THUMPD2: variants seen among roughly 807,000 people sequenced by gnomAD.
THUMPD2 encodes the protein THUMP domain 2 tRNA and snRNA guanosine methyltransferase.
THUMPD2 carries 56 observed loss-of-function variants against 49.4 expected under a neutral mutation model. The ratio of observed to expected loss-of-function variants is 1.13; its 90% CI spans 0.91 to 1.41. The LOEUF is 1.41. Ranked by LOEUF, THUMPD2 falls within the 40% of genes most tolerant of loss-of-function variation. The pLI is 0.00. For synonymous variants in THUMPD2, 237 were observed against 205.2 expected (o/e 1.15, Z -1.32); for missense variants, 709 against 594.5 (o/e 1.19, Z -2.00).
Position 39,768,418 on chromosome 2 carries a change from C to T in THUMPD2, c.750+6G>A. 6.2e-7 allele frequency: 1 copy of T among 1,603,392 alleles called. No homozygotes were observed. Among genetic ancestry groups the T allele is most frequent in the Non-Finnish European group, 8.5e-7 (1 of 1,172,204 alleles). ...AAGTATATAAAATAAAACAAATACT[C>T]ATTACCTCTAATTGTGGATTCCTCA... On this transcript the variant is annotated splice_donor_region_variant and intron_variant, in intron 4 of 9. Transcript: ENST00000505747.
chr2:39,743,046 T>C (rs1674111369), intron 9 of THUMPD2, among the ~76,000 whole-genome samples: 1 of 152,192 alleles, frequency 6.6e-6, no homozygotes, highest in Non-Finnish European at 1.5e-5. Flanking sequence ...CATGGGACAC[T>C]CAGCTCCCAA....
Position 39,769,804 on chromosome 2 carries a change from A to C in THUMPD2, c.578T>G (p.Ile193Arg). Residue 193 changes from isoleucine to arginine, a missense_variant, in exon 3 of 10, where the codon ATA (isoleucine) becomes AGA (arginine). By Grantham distance (97) the Ile-to-Arg change is moderately conservative. Transcript: ENST00000505747. The part of the protein sequence containing the change: ...KFQEEEFQND[I>R]EKAIDTHNQN... Reference sequence around the variant, plus strand: ...ATTATGAGTATCAATTGCTTTCTCTATGTCATTCTGAAATTCTTCTTCTTG... The same window carrying C: ...ATTATGAGTATCAATTGCTTTCTCTCTGTCATTCTGAAATTCTTCTTCTTG... 1 of 1,611,558 alleles carries C rather than the reference A, an allele frequency of 6.2e-7. No homozygotes were observed. The highest frequency in any genetic ancestry group is 8.5e-7 in the Non-Finnish European group (1 of 1,179,370).
At chr2:39,772,823 A>G (rs1329844026) in intron 1 of THUMPD2, among the ~76,000 whole-genome samples, 3 of 152,196 alleles carry the variant, frequency 2.0e-5, no homozygotes, top group African/African-American at 7.2e-5. Context: ...GCTACCATCC[A>G]TGGGTACTTG....
chr2:39,750,331 G>C (rs367819560), intron 8 of THUMPD2, among the ~76,000 whole-genome samples: 1 of 152,150 alleles, frequency 6.6e-6, no homozygotes, highest in African/African-American at 2.4e-5. Context: ...GTTTTGATTC[G>C]CATTTCTCTA....
At chr2:39,745,934 T>G (rs956608551) in intron 8 of THUMPD2, among the ~76,000 whole-genome samples, 1 of 151,868 alleles carries the variant, frequency 6.6e-6, no homozygotes, top group African/African-American at 2.4e-5. Context: ...ACAGCTTGCA[T>G]TTGGCTCTGC....
chr2:39,765,692 A>T (rs1483306067), intron 5 of THUMPD2, among the ~76,000 whole-genome samples: 4 of 152,128 alleles, frequency 2.6e-5, no homozygotes, highest in East Asian at 1.9e-4. Context: ...CAAAGAATTT[A>T]AAAAAACCAT....
intron 5 of THUMPD2, among the ~76,000 whole-genome samples, chr2:39,761,826 C>T (rs567924192): frequency 1.9e-4 from 29 of 152,266 alleles, no homozygotes; most frequent in African/African-American, 6.3e-4. Context: ...TGAAGGGATG[C>T]TAACCCTTAA....
At chr2:39,756,078 GTGGCTGAAGGGACAGA>G in intron 6 of THUMPD2, 118 bp from the exon 7 acceptor site, 1 of 903,158 alleles carries the variant, frequency 1.1e-6, no homozygotes, top group South Asian at 1.5e-5. Context: ...TAAAGGGGTG[GTGGCTGAAGGGACAGA>G]TGGGTTCAGG....
rs762615582 is a variant in THUMPD2, at chr2:39,755,398, A to G, written c.975T>C (p.Tyr325=). 3 of 1,563,208 alleles carry G rather than the reference A, an allele frequency of 1.9e-6. No homozygotes were observed. Among genetic ancestry groups the G allele is most frequent in the Non-Finnish European group, 1.7e-6 (2 of 1,157,182 alleles). ...GTGAGTCGCTGACATCAGCACCTACATAATACACATCCTATGGGGAAATAA... is the reference window on the plus strand; with the variant it reads ...GTGAGTCGCTGACATCAGCACCTACGTAATACACATCCTATGGGGAAATAA... ...EAAKEWPDVY[Y]VGADVSDSQL... Residue 325 remains tyrosine (Y), a synonymous_variant, in exon 8 of 10, where the codon TAT becomes TAC. Coordinates refer to ENST00000505747, the MANE Select transcript of THUMPD2 (RefSeq NM_025264.5).
intron 8 of THUMPD2, 149 bp from the exon 9 acceptor site, chr2:39,744,627 C>T (rs1171885983): frequency 4.1e-6 from 2 of 486,502 alleles, no homozygotes; most frequent in Non-Finnish European, 7.1e-6. Flanking sequence ...TTACAAGATC[C>T]CAAAATGCTT....
At chr2:39,743,878 C>T (rs1489858153) in intron 9 of THUMPD2, among the ~76,000 whole-genome samples, 1 of 152,140 alleles carries the variant, frequency 6.6e-6, no homozygotes, top group Admixed American at 6.5e-5. Flanking sequence ...TGGACAAAGA[C>T]AACAATAAAT....
At chr2:39,770,144 C>A in intron 2 of THUMPD2, 25 bp from the exon 3 acceptor site, 1 of 1,433,672 alleles carries the variant, frequency 7.0e-7, no homozygotes, top group South Asian at 1.6e-5. Flanking sequence ...TCTTGTTGAT[C>A]CTCTATTGAA....
intron 6 of THUMPD2, 121 bp from the exon 7 acceptor site, chr2:39,756,081 G>C: frequency 1.1e-6 from 1 of 884,678 alleles, no homozygotes; most frequent in Non-Finnish European, 1.8e-6. Context: ...AGGGGTGGTG[G>C]CTGAAGGGAC....
At chr2:39,745,629 C>T (rs1674478519) in intron 8 of THUMPD2, among the ~76,000 whole-genome samples, 1 of 152,196 alleles carries the variant, frequency 6.6e-6, no homozygotes, top group African/African-American at 2.4e-5. Flanking sequence ...TCTTTTGCCT[C>T]ACACTACACA....
intron 4 of THUMPD2, among the ~76,000 whole-genome samples, chr2:39,766,766 G>A (rs1677574057): frequency 1.3e-5 from 2 of 151,900 alleles, no homozygotes; most frequent in Non-Finnish European, 1.5e-5. Flanking sequence ...CCTGATACTC[G>A]CACCCCAAGA....
At position 39,736,900 on chromosome 2, in the gene THUMPD2, A is replaced by C; in HGVS notation, c.1347T>G (p.Gly449=). ...ATGAAGTTGACGCTGTCTTGAATGC[A>C]CCAGTTTTTTCTTCAGGATTCAAGC... is the stretch of plus-strand genomic sequence containing the variant. ...KKCLNPEEKT[G]AFKTASTSFE... Residue 449 remains glycine, a synonymous_variant, in exon 10 of 10, where the codon GGT becomes GGG. Coordinates refer to ENST00000505747, the MANE Select transcript of THUMPD2 (RefSeq NM_025264.5). The C allele has an allele frequency of 6.2e-7, 1 of 1,614,138 alleles. No individual in the cohort carries two copies. The highest frequency in any genetic ancestry group is 8.5e-7 in the Non-Finnish European group (1 of 1,180,014).
chr2:39,766,283 A>G, intron 4 of THUMPD2, 174 bp from the exon 5 acceptor site: 1 of 458,604 alleles, frequency 2.2e-6, no homozygotes, highest in Non-Finnish European at 3.8e-6. Context: ...CTTAAGCAGA[A>G]GGAAACTAAA....
rs1447466607 is a variant in THUMPD2 at position 39,762,619 on chromosome 2, G to C, written c.804-1201C>G. Among the ~76,000 whole-genome samples the C allele has an allele frequency of 6.6e-5, 10 of 151,570 alleles. No individual in the cohort carries two copies. The South Asian group carries it at 2.1e-3, about 32-fold the overall frequency. ...CATTTGGAATGAGGGATGTAAACTG[G>C]CAGGTAGAAACACTATAAAATATTT... On this transcript the variant is annotated intron_variant, in intron 5 of 9. Coordinates refer to ENST00000505747, the MANE Select transcript of THUMPD2 (RefSeq NM_025264.5).
At chr2:39,755,842 T>C (rs1440261657) in intron 7 of THUMPD2, 47 bp downstream of exon 7, 2 of 1,489,290 alleles carry the variant, frequency 1.3e-6, no homozygotes, top group Non-Finnish European at 1.9e-6. Flanking sequence ...CTACATATAC[T>C]GATTAAAGTA....
Sources: gnomAD v4.1 joint callset for allele counts (sites outside exome capture counted in the v4.1 genomes callset) on GRCh38, gnomAD v4.1.1 for gene constraint, MANE v1.5 for transcripts, NCBI Gene and HGNC (gene_info 2026-07-23, HGNC 2026-07-21) for gene names.